The following AP2S1 variants were observed in gnomAD, a reference collection of about 807,000 sequenced individuals.
AP2S1 encodes the protein adaptor related protein complex 2 subunit sigma 1.
Under a neutral mutation model 21.0 loss-of-function variants are expected in AP2S1, and 6 were observed. That is an observed-to-expected ratio of 0.29 (90% confidence interval 0.16 to 0.56). The LOEUF (loss-of-function observed/expected upper bound fraction) is 0.56. AP2S1 is among the 20% of genes least tolerant of loss of function. AP2S1 has a pLI of 0.92. For synonymous variants in AP2S1, 63 were observed against 74.6 expected (o/e 0.84, Z 0.80); for missense variants, 60 against 186.2 (o/e 0.32, Z 3.95).
rs1053749571 is a variant in AP2S1, at chr19:46,838,312, G to A, written c.*135C>T. On this transcript the variant is annotated 3_prime_UTR_variant, in exon 5 of 5. Transcript: ENST00000263270. The surrounding 1 kb of genome is among the most constrained non-coding windows in gnomAD (Gnocchi z 4.1). Reference sequence around the variant, plus strand: ...GCAGTGGGGTGCAGTCTCCTCCCTTGTGGCCCAGACCCAGCTGGGTCCCTT... The same window carrying A: ...GCAGTGGGGTGCAGTCTCCTCCCTTATGGCCCAGACCCAGCTGGGTCCCTT... 3 of 774,098 alleles carry A rather than the reference G, an allele frequency of 3.9e-6. No homozygotes were observed. The highest frequency in any genetic ancestry group is 6.4e-6 in the Non-Finnish European group (3 of 467,808). The allele number at this position is 774,098 out of a possible 1,614,324, so 48.0% of individuals were successfully genotyped here. A position where few individuals can be genotyped will look rare whatever the true frequency, so the allele number is the denominator to read the frequency against.
chr19:46,844,194 C>T (rs909556115), intron 2 of AP2S1, among the ~76,000 whole-genome samples: 3 of 152,028 alleles, frequency 2.0e-5, no homozygotes, highest in African/African-American at 7.2e-5. Flanking sequence ...TGAGCCACCG[C>T]GCCCGGCCGG....
chr19:46,839,112 C>T (rs1278535900), intron 3 of AP2S1, among the ~76,000 whole-genome samples: 3 of 151,668 alleles, frequency 2.0e-5, no homozygotes, highest in Admixed American at 6.6e-5. Context: ...CATGGTGAAA[C>T]CCCATCTCTA....
Position 46,838,457 on chromosome 19 carries a change from G to A in AP2S1, c.419C>T (p.Ser140Phe). 6.2e-7 allele frequency: 1 copy of A among 1,614,186 alleles called. No individual in the cohort carries two copies. The highest frequency in any genetic ancestry group is 8.5e-7 in the Non-Finnish European group (1 of 1,180,018). ...KVLKQLLMLQSLE is the reference protein window; with the variant it reads ...KVLKQLLMLQFLE ...GGGGCTCGCCTGCCCTCACTCCAGGGACTGTAGCATCAGCAGCTGTTTCAG... is the reference window on the plus strand; with the variant it reads ...GGGGCTCGCCTGCCCTCACTCCAGGAACTGTAGCATCAGCAGCTGTTTCAG... The change falls in exon 5 of 5, where the codon TCC becomes TTC. Residue 140 changes from serine to phenylalanine, a missense_variant. Ser to Phe is a radical substitution (Grantham distance 155). Coordinates refer to ENST00000263270, the MANE Select transcript of AP2S1 (RefSeq NM_004069.6). This position sits in a 1 kb window ranked among gnomAD's most constrained non-coding sequence, Gnocchi z 4.1.
intron 1 of AP2S1, chr19:46,850,128 TCTTAC>T (rs1233176656): frequency 8.1e-7 from 1 of 1,231,644 alleles, no homozygotes; most frequent in Non-Finnish European, 1.0e-6. Context: ...CGAGTGTCCA[TCTTAC>T]CTCCAGGTCC....
chr19:46,841,115 G>A (rs2055514141), intron 2 of AP2S1, among the ~76,000 whole-genome samples: 1 of 151,954 alleles, frequency 6.6e-6, no homozygotes, highest in Admixed American at 6.6e-5. Context: ...CACCACGCCT[G>A]GCTAATTTTT....
rs148034121 is a variant in AP2S1 at position 46,846,751 on chromosome 19, C to T, written c.4-609G>A. Among the ~76,000 whole-genome samples the T allele has an allele frequency of 1.4e-3, 217 of 152,238 alleles. 1 individual carries two copies. The highest frequency in any genetic ancestry group is 3.4e-3 in the Middle Eastern group (1 of 294). ...CGCAATCTCGGCTCACTGCAACCTC[C>T]GCCTCCCAGGTTCAAGCGATTCTCC... is the stretch of plus-strand genomic sequence containing the variant. On this transcript the variant is annotated intron_variant, in intron 1 of 4. Transcript: ENST00000263270.
In AP2S1 at chr19:46,839,606, G is replaced by A. The variant is rs779285187; in HGVS notation, c.154-28C>T. 1.7e-5 allele frequency: 28 copies of A among 1,614,014 alleles called. No homozygotes were observed. In the East Asian group the frequency reaches 1.8e-4, roughly 10 times the overall value. ...GCAGAACAGAGAGGCTGTCAGCAAC[G>A]GAGATTGCCAGGACCTAACGTGCCA... On this transcript the variant is annotated intron_variant, in intron 2 of 4. Transcript: ENST00000263270.
At chr19:46,839,357 C>A in intron 3 of AP2S1, 108 bp downstream of exon 3, 2 of 1,033,494 alleles carry the variant, frequency 1.9e-6, no homozygotes, top group Non-Finnish European at 1.4e-6. Flanking sequence ...GAGTCCCAGT[C>A]ACTGCAGAGG....
rs373154369 is a variant in AP2S1, at chr19:46,838,211, C to T, written c.*236G>A. 8.4e-5 allele frequency: 48 copies of T among 569,090 alleles called. 1 individual carries two copies. Among genetic ancestry groups the T allele is most frequent in the Middle Eastern group, 4.7e-4 (1 of 2,126 alleles). 35.3% of individuals were successfully genotyped at this position (569,090 alleles called of 1,614,324 possible). On this transcript the variant is annotated 3_prime_UTR_variant, in exon 5 of 5. Coordinates refer to ENST00000263270, the MANE Select transcript of AP2S1 (RefSeq NM_004069.6). This position sits in a 1 kb window ranked among gnomAD's most constrained non-coding sequence, Gnocchi z 4.1. ...TTATTGGGGACTCCACGCACAGACG[C>T]TTATGGCATCACACGACAACGGCAC...
chr19:46,845,152 T>TACA (rs1242475289), intron 2 of AP2S1, among the ~76,000 whole-genome samples: 2 of 148,090 alleles, frequency 1.4e-5, no homozygotes, highest in Non-Finnish European at 3.0e-5. Flanking sequence ...CTCATGCCTG[T>TACA]AATCCCAGCA....
Position 46,845,992 on chromosome 19 carries a change from C to A in AP2S1, c.153+1G>T, listed in dbSNP as rs112326072. On this transcript the variant is annotated splice_donor_variant, in intron 2 of 4. Transcript: ENST00000263270. LOFTEE classifies it high-confidence loss of function. Reference sequence around the variant, plus strand: ...TGCAGGAGGCATGGAGCGGGCGTCACCTCCACAAAGTTGGTGTGTTTGGCG... The same window carrying A: ...TGCAGGAGGCATGGAGCGGGCGTCAACTCCACAAAGTTGGTGTGTTTGGCG... 1 of 1,614,020 alleles carries A rather than the reference C, an allele frequency of 6.2e-7. No homozygotes were observed. Among genetic ancestry groups the A allele is most frequent in the Non-Finnish European group, 8.5e-7 (1 of 1,180,004 alleles).
intron 1 of AP2S1, among the ~76,000 whole-genome samples, chr19:46,849,695 A>C: frequency 6.7e-6 from 1 of 150,094 alleles, no homozygotes; most frequent in Admixed American, 6.6e-5. Flanking sequence ...GATGCCCCCC[A>C]ACCTTCCCTG....
At chr19:46,840,311 G>A (rs955292443) in intron 2 of AP2S1, among the ~76,000 whole-genome samples, 2 of 146,580 alleles carry the variant, frequency 1.4e-5, no homozygotes, top group Non-Finnish European at 3.0e-5. Context: ...CAATGTCTTT[G>A]GCCAAAACCT....
intron 2 of AP2S1, among the ~76,000 whole-genome samples, chr19:46,845,433 TTAA>T (rs1275195276): frequency 1.3e-5 from 2 of 149,946 alleles, no homozygotes; most frequent in African/African-American, 5.0e-5. Context: ...AATTAATTAA[TTAA>T]TTAATTCAAT....
chr19:46,846,458 TTTTTG>T (rs1320157716), intron 1 of AP2S1, among the ~76,000 whole-genome samples: 1 of 146,442 alleles, frequency 6.8e-6, no homozygotes, highest in African/African-American at 2.5e-5. Context: ...TTTTTTTTTT[TTTTTG>T]TAGAGACAGA....
intron 1 of AP2S1, among the ~76,000 whole-genome samples, chr19:46,846,441 GTTTT>G (rs1229404009): frequency 9.6e-6 from 1 of 104,658 alleles, no homozygotes; most frequent in Non-Finnish European, 1.9e-5. Flanking sequence ...ATCTCTCTCT[GTTTT>G]TTTTTTTTTT....
At chr19:46,846,202 T>C (rs920209121) in intron 1 of AP2S1, 60 bp from the exon 2 acceptor site, 73 of 1,592,128 alleles carry the variant, frequency 4.6e-5, no homozygotes, top group Non-Finnish European at 6.0e-5. Context: ...GGTTGGGTGC[T>C]GCCCAACGGC....
intron 1 of AP2S1, among the ~76,000 whole-genome samples, chr19:46,849,283 G>A (rs1363544974): frequency 2.0e-5 from 3 of 152,140 alleles, no homozygotes; most frequent in Admixed American, 1.3e-4. Flanking sequence ...TGGGATTACA[G>A]GCATGAGTCA....
At chr19:46,848,577 G>A (rs919495333) in intron 1 of AP2S1, among the ~76,000 whole-genome samples, 10 of 152,164 alleles carry the variant, frequency 6.6e-5, no homozygotes, top group Non-Finnish European at 1.2e-4. Context: ...TTATAGATGA[G>A]GAAACTGAGA....
Sources: allele counts gnomAD v4.1 joint callset (sites outside exome capture counted in the v4.1 genomes callset), GRCh38; gene constraint gnomAD v4.1.1; non-coding constraint Gnocchi (gnomAD v3.1); transcripts MANE v1.5; gene names NCBI Gene and HGNC (gene_info 2026-07-23, HGNC 2026-07-21).